Variants in UPP1 observed in about 807,000 individuals in gnomAD.
The protein encoded by UPP1 is UPase 1.
Under a neutral mutation model 29.6 loss-of-function variants are expected in UPP1, and 25 were observed. The ratio of observed to expected loss-of-function variants is 0.85; its 90% CI spans 0.62 to 1.18. The LOEUF (loss-of-function observed/expected upper bound fraction) is 1.18. UPP1 is among the 50% of genes most tolerant of loss of function. UPP1 has a pLI of 0.00. For synonymous variants in UPP1, 165 were observed against 159.8 expected (o/e 1.03, Z -0.25); for missense variants, 368 against 410.4 (o/e 0.90, Z 0.89).
At chr7:48,094,602 CCT>C (rs1265539380) in intron 2 of UPP1, among the ~76,000 whole-genome samples, 159 bp from the exon 3 acceptor site, 4 of 152,164 alleles carry the variant, frequency 2.6e-5, no homozygotes, top group East Asian at 3.9e-4. Context: ...TACACACTCT[CCT>C]CTCTCTCTGT....
At chr7:48,103,204 A>C in intron 5 of UPP1, 93 bp from the exon 6 acceptor site, 1 of 872,228 alleles carries the variant, frequency 1.1e-6, no homozygotes, top group Admixed American at 1.9e-5. Flanking sequence ...GTCAATGGGC[A>C]TGTTAGATTG....
intron 2 of UPP1, among the ~76,000 whole-genome samples, chr7:48,091,461 G>A (rs1791831276): frequency 6.6e-6 from 1 of 152,116 alleles, no homozygotes; most frequent in African/African-American, 2.4e-5. Context: ...TGTTATGTGG[G>A]GAGGGGAGCG....
intron 6 of UPP1, chr7:48,105,237 C>T (rs927172717): frequency 6.6e-6 from 1 of 152,322 alleles, no homozygotes; most frequent in Non-Finnish European, 1.5e-5. Flanking sequence ...GGCTTGACCA[C>T]TCCAGGCCCT....
intron 4 of UPP1, among the ~76,000 whole-genome samples, chr7:48,100,892 T>C (rs1401739082): frequency 6.6e-6 from 1 of 151,942 alleles, no homozygotes; most frequent in Admixed American, 6.6e-5. Context: ...TTAATAATTC[T>C]TTTCTTTTAT....
At chr7:48,092,095 C>A (rs920639113) in intron 2 of UPP1, among the ~76,000 whole-genome samples, 4 of 152,128 alleles carry the variant, frequency 2.6e-5, no homozygotes, top group African/African-American at 9.7e-5. Context: ...CTTAGCTCTT[C>A]CCCTGCCTGG....
chr7:48,103,056 C>T (rs1038392262), intron 5 of UPP1, among the ~76,000 whole-genome samples: 2 of 152,174 alleles, frequency 1.3e-5, no homozygotes, highest in African/African-American at 4.8e-5. Flanking sequence ...GCCCCTGGGT[C>T]CGCAGCTGTT....
chr7:48,093,620 C>G (rs1347278901), intron 2 of UPP1, among the ~76,000 whole-genome samples: 4 of 152,246 alleles, frequency 2.6e-5, no homozygotes, highest in Non-Finnish European at 4.4e-5. Flanking sequence ...CTGCCCTTCT[C>G]CACACAGAGA....
intron 3 of UPP1, among the ~76,000 whole-genome samples, chr7:48,098,770 G>A (rs1218998581): frequency 6.6e-6 from 1 of 152,192 alleles, no homozygotes; most frequent in Non-Finnish European, 1.5e-5. Context: ...AGCATCCCAT[G>A]TCTGCCTCTG....
intron 3 of UPP1, among the ~76,000 whole-genome samples, chr7:48,095,033 A>G (rs1489098284): frequency 6.6e-6 from 1 of 152,178 alleles, no homozygotes; most frequent in Non-Finnish European, 1.5e-5. Flanking sequence ...CTGGGGCCTC[A>G]GCTCTTGATT....
In UPP1 at chr7:48,106,922, C is replaced by G. The variant is rs888914173; in HGVS notation, c.486C>G (p.Cys162Trp). ...VVITEQAVDT[C>W]FKAEFEQIVL... ...TAACAGAGCAGGCAGTGGATACCTGCTTCAAGGCAGAGTTTGAGCAGATTG... is the reference window on the plus strand; with the variant it reads ...TAACAGAGCAGGCAGTGGATACCTGGTTCAAGGCAGAGTTTGAGCAGATTG... Residue 162 changes from cysteine to tryptophan, a missense_variant, in exon 7 of 9, where the codon TGC becomes TGG. By Grantham distance (215) the Cys-to-Trp change is radical. Coordinates refer to ENST00000395564, the MANE Select transcript of UPP1 (RefSeq NM_003364.4). 10 of 1,613,586 alleles carry G rather than the reference C, an allele frequency of 6.2e-6. No individual in the cohort carries two copies. Among genetic ancestry groups the G allele is most frequent in the Non-Finnish European group, 8.5e-6 (10 of 1,179,978 alleles).
rs200875942 is a variant in UPP1 at position 48,107,349 on chromosome 7, T to C, written c.647-12T>C. On this transcript the variant is annotated splice_polypyrimidine_tract_variant and intron_variant, in intron 7 of 8. Coordinates refer to ENST00000395564, the MANE Select transcript of UPP1 (RefSeq NM_003364.4). ...CATGCATGTGGTTCTCATGTCTCCATGTGTGCCTCAGGGCAAGGCCGTCTG... is the reference window on the plus strand; with the variant it reads ...CATGCATGTGGTTCTCATGTCTCCACGTGTGCCTCAGGGCAAGGCCGTCTG... The C allele has an allele frequency of 9.3e-6, 15 of 1,605,390 alleles. No individual in the cohort carries two copies. Among genetic ancestry groups the C allele is most frequent in the Admixed American group, 8.5e-5 (5 of 58,958 alleles).
At chr7:48,103,047 C>A (rs935886490) in intron 5 of UPP1, among the ~76,000 whole-genome samples, 1 of 152,178 alleles carries the variant, frequency 6.6e-6, no homozygotes, top group African/African-American at 2.4e-5. Flanking sequence ...CCCTGCTGAG[C>A]CCCTGGGTCC....
intron 1 of UPP1, among the ~76,000 whole-genome samples, 160 bp from the exon 2 acceptor site, chr7:48,090,028 A>G (rs1046912657): frequency 2.0e-5 from 3 of 152,256 alleles, no homozygotes; most frequent in Non-Finnish European, 4.4e-5. Context: ...CATCGAGTCA[A>G]CATTTAACAA....
At chr7:48,106,840 C>A in intron 6 of UPP1, 33 bp from the exon 7 acceptor site, 12 of 1,607,264 alleles carry the variant, frequency 7.5e-6, no homozygotes, top group South Asian at 1.1e-5. Flanking sequence ...TGTTTTACAC[C>A]CTGCATATCT....
chr7:48,100,165 C>T (rs1256188350), intron 4 of UPP1, among the ~76,000 whole-genome samples: 1 of 152,164 alleles, frequency 6.6e-6, no homozygotes, highest in African/African-American at 2.4e-5. Flanking sequence ...CTCTAGGCTA[C>T]AAACCTCTAT....
At chr7:48,108,061 C>T (rs113776452) in intron 8 of UPP1, among the ~76,000 whole-genome samples, 157 bp from the exon 9 acceptor site, 137 of 152,304 alleles carry the variant, frequency 9.0e-4, no homozygotes, top group African/African-American at 2.9e-3. Context: ...CTTTCCCTCC[C>T]GCACTCCATC....
chr7:48,105,118 C>T (rs1792657455), intron 6 of UPP1: 1 of 152,282 alleles, frequency 6.6e-6, no homozygotes, highest in African/African-American at 2.4e-5. Flanking sequence ...GACCTGAGAA[C>T]AAGAGTCCCA....
Position 48,101,847 on chromosome 7 carries a change from C to G in UPP1, c.186C>G (p.Pro62=), listed in dbSNP as rs1204296434. 1 of 1,614,012 alleles carries G rather than the reference C, an allele frequency of 6.2e-7. No individual in the cohort carries two copies. The highest frequency in any genetic ancestry group is 8.5e-7 in the Non-Finnish European group (1 of 1,179,944). The change falls in exon 5 of 9, where the codon CCC becomes CCG. Residue 62 remains proline, a synonymous_variant. Transcript: ENST00000395564. ...AGTTTGTGTGTGTTGGTGGAAGCCC[C>G]TCCCGGATGAAAGCCTTCATCAGGT... ...DVKFVCVGGS[P]SRMKAFIRCV...
chr7:48,103,527 C>T lies in UPP1; in HGVS notation c.436+116C>T, dbSNP rs1583876008. 5 of 1,028,866 alleles carry T rather than the reference C, an allele frequency of 4.9e-6. No homozygotes were observed. In the East Asian group the frequency reaches 1.0e-4, roughly 21 times the overall value. 63.7% of individuals were successfully genotyped at this position (1,028,866 alleles called of 1,614,324 possible). ...AAAGAGTTCCTTTCTTGGCTTTGTT[C>T]AAGGGAAGCTTGTTAACAGGAGGTG... On this transcript the variant is annotated intron_variant, in intron 6 of 8. Transcript: ENST00000395564.
Sources: gnomAD v4.1 joint callset for allele counts (sites outside exome capture counted in the v4.1 genomes callset) on GRCh38, gnomAD v4.1.1 for gene constraint, MANE v1.5 for transcripts, NCBI Gene and HGNC (gene_info 2026-07-23, HGNC 2026-07-21) for gene names.